The following QNG1 variants were observed in gnomAD, a reference collection of about 807,000 sequenced individuals.
The protein encoded by QNG1 is Q-nucleotide N-glycosylase 1.
chr9:83,942,267 G>C, the QNG1 span, among the ~76,000 whole-genome samples: 43 of 152,316 alleles, frequency 2.8e-4, no homozygotes, highest in Middle Eastern at 0.01. Flanking sequence ...ACATTTAAGT[G>C]GACTGACATA....
chr9:83,947,412 CT>C, the QNG1 span, among the ~76,000 whole-genome samples: 1 of 152,190 alleles, frequency 6.6e-6, no homozygotes, highest in Non-Finnish European at 1.5e-5. Flanking sequence ...CCTAATATTG[CT>C]TAACCTTAAG....
At chr9:83,956,383 C>T in the QNG1 span, 1 of 1,603,716 alleles carries the variant, frequency 6.2e-7, no homozygotes, top group African/African-American at 1.3e-5. Flanking sequence ...TCTGGCCCCG[C>T]CGCCTTGGCC....
the QNG1 span, among the ~76,000 whole-genome samples, chr9:83,940,228 A>G: frequency 1.3e-5 from 2 of 152,210 alleles, no homozygotes; most frequent in East Asian, 3.9e-4. Flanking sequence ...AACATGACAA[A>G]ACCCTGTCTC....
the QNG1 span, among the ~76,000 whole-genome samples, chr9:83,950,907 GT>G: frequency 1.3e-5 from 2 of 152,048 alleles, no homozygotes; most frequent in East Asian, 3.9e-4. Context: ...GGACAGTTAA[GT>G]TTTTTGAAAA....
At chr9:83,956,487 A>G in the QNG1 span, 1 of 1,524,148 alleles carries the variant, frequency 6.6e-7, no homozygotes, top group South Asian at 1.3e-5. Flanking sequence ...CCTGGGATTT[A>G]GGAGCCCGTC....
the QNG1 span, among the ~76,000 whole-genome samples, chr9:83,942,208 T>C: frequency 6.6e-6 from 1 of 152,210 alleles, no homozygotes; most frequent in East Asian, 1.9e-4. Context: ...TAATAACTAA[T>C]GCAGCAACTT....
the QNG1 span, among the ~76,000 whole-genome samples, chr9:83,948,711 G>A: frequency 6.6e-6 from 1 of 152,234 alleles, no homozygotes; most frequent in South Asian, 2.1e-4. Context: ...CGTGTAGAAA[G>A]AAGTAGACAT....
chr9:83,939,701 C>T, the QNG1 span: 1 of 1,614,162 alleles, frequency 6.2e-7, no homozygotes, highest in East Asian at 2.2e-5. Flanking sequence ...CGAGCACCCT[C>T]TGATTTCCAC....
At chr9:83,940,254 A>C in the QNG1 span, among the ~76,000 whole-genome samples, 1 of 151,964 alleles carries the variant, frequency 6.6e-6, no homozygotes, top group Non-Finnish European at 1.5e-5. Context: ...AACATACAAA[A>C]ATTAGCCAGG....
the QNG1 span, chr9:83,956,616 C>T: frequency 1.2e-6 from 1 of 841,142 alleles, no homozygotes; most frequent in Non-Finnish European, 1.8e-6. Context: ...AAGGTCCCGC[C>T]CTGCCAGGGA....
the QNG1 span, chr9:83,955,727 A>G: frequency 7.8e-7 from 1 of 1,274,898 alleles, no homozygotes; most frequent in Non-Finnish European, 1.1e-6. Context: ...AATTAATATG[A>G]AACCAAATGA....
At chr9:83,949,241 C>T in the QNG1 span, among the ~76,000 whole-genome samples, 5 of 152,118 alleles carry the variant, frequency 3.3e-5, no homozygotes, top group Admixed American at 3.3e-4. Flanking sequence ...ATGCTATCAC[C>T]CTATATTCCT....
the QNG1 span, chr9:83,956,772 G>C: frequency 1.1e-5 from 4 of 377,578 alleles, no homozygotes; most frequent in African/African-American, 2.1e-5. Context: ...CGCCCTCTCG[G>C]GCGCGCTCTC....
the QNG1 span, among the ~76,000 whole-genome samples, chr9:83,940,148 T>C: frequency 6.6e-6 from 1 of 152,166 alleles, no homozygotes. Flanking sequence ...CTCACCTCTG[T>C]AATGCTAGCA....
At chr9:83,956,821 AG>A in the QNG1 span, 5 of 280,046 alleles carry the variant, frequency 1.8e-5, 1 homozygote, top group South Asian at 5.8e-4. Flanking sequence ...GAAACTGCTA[AG>A]GGTCCGGCGT....
At chr9:83,955,103 G>A in the QNG1 span, among the ~76,000 whole-genome samples, 1 of 151,784 alleles carries the variant, frequency 6.6e-6, no homozygotes, top group South Asian at 2.1e-4. Flanking sequence ...GGAGGCTGAG[G>A]CAGGAGAATC....
At chr9:83,947,256 A>G in the QNG1 span, among the ~76,000 whole-genome samples, 2 of 152,202 alleles carry the variant, frequency 1.3e-5, no homozygotes, top group Non-Finnish European at 2.9e-5. Context: ...GGAGGAGAAT[A>G]TTTTAACTTG....
At chr9:83,954,732 T>G in the QNG1 span, among the ~76,000 whole-genome samples, 1 of 148,926 alleles carries the variant, frequency 6.7e-6, no homozygotes, top group African/African-American at 2.5e-5. Flanking sequence ...ATACAAAAAT[T>G]AGCCTAGCGC....
At chr9:83,954,822 G>A in the QNG1 span, among the ~76,000 whole-genome samples, 1 of 139,808 alleles carries the variant, frequency 7.2e-6, no homozygotes, top group Non-Finnish European at 1.5e-5. Context: ...GGAGTTTGCA[G>A]TGAGCCAAGA....
Sources: allele counts gnomAD v4.1 joint callset (sites outside exome capture counted in the v4.1 genomes callset), GRCh38; gene constraint gnomAD v4.1.1; transcripts MANE v1.5; gene names NCBI Gene and HGNC (gene_info 2026-07-23, HGNC 2026-07-21).